VWF: variants seen among roughly 807,000 people sequenced by gnomAD.
VWF encodes the protein von Willebrand factor, also known as Factor VIII related antigen.
VWF carries 176 observed loss-of-function variants against 308.6 expected under a neutral mutation model. The ratio of observed to expected loss-of-function variants is 0.57; its 90% CI spans 0.50 to 0.65. VWF has a LOEUF of 0.65. Among genes scored for constraint, VWF ranks in the 30% least tolerant of loss-of-function variants. VWF has a pLI of 0.00. For missense variants in VWF, 3,146 were observed against 3,648.2 expected, an observed-to-expected ratio of 0.86 and a Z score of 3.55; for synonymous variants, 1,385 against 1,443.4, an observed-to-expected ratio of 0.96 and a Z score of 0.92.
chr12:6,000,929 A>G (rs1050480311), intron 34 of VWF, among the ~76,000 whole-genome samples: 10 of 152,098 alleles, frequency 6.6e-5, no homozygotes, highest in Admixed American at 2.6e-4. Flanking sequence ...ATAGTCATAG[A>G]TCTAAAACTA....
At chr12:6,041,426 T>C (rs1178280488) in intron 18 of VWF, among the ~76,000 whole-genome samples, 1 of 151,206 alleles carries the variant, frequency 6.6e-6, no homozygotes, top group Admixed American at 6.6e-5. Context: ...CAAAACTCCG[T>C]CTCAAAAAAA....
chr12:6,056,884 C>T lies in VWF; in HGVS notation c.1918G>A (p.Val640Ile). The part of the protein sequence containing the change: ...AAACAGRGVR[V>I]AWREPGRCEL... The stretch of plus-strand genomic sequence containing the variant: ...CAGCGGCCTGGCTCGCGCCACGCGA[C>T]GCGCACGCCTCTCCCCGCGCAGGCC... The change falls in exon 15 of 52, where the codon GTC (valine) becomes ATC (isoleucine). Residue 640 changes from valine to isoleucine, a missense_variant. Transcript: ENST00000261405. The T allele has an allele frequency of 4.7e-6, 7 of 1,489,754 alleles. No homozygotes were observed. Among genetic ancestry groups the T allele is most frequent in the Non-Finnish European group, 5.3e-6 (6 of 1,128,932 alleles). The allele number at this position is 1,489,754 out of a possible 1,614,324, so 92.3% of individuals were successfully genotyped here.
At chr12:6,051,056 G>A (rs12310306) in intron 16 of VWF, among the ~76,000 whole-genome samples, 41,478 of 146,740 alleles carry the variant, frequency 0.28, 6,037 homozygotes, top group Non-Finnish European at 0.32. Context: ...TTTTTTAATC[G>A]TTTATTTATT....
chr12:6,000,130 T>G lies in VWF; in HGVS notation c.5843-3908A>C, dbSNP rs145644964. Among the ~76,000 whole-genome samples the G allele has an allele frequency of 9.2e-4, 140 of 152,140 alleles. 1 individual carries two copies. The highest frequency in any genetic ancestry group is 3.2e-3 in the African/African-American group (131 of 41,508). On this transcript the variant is annotated intron_variant, in intron 34 of 51. Transcript: ENST00000261405. ...TAAAGAATATAACTCATGAAAACAT[T>G]CTGGAAATCAAAAAAGAACCAAATC...
intron 20 of VWF, 74 bp from the exon 21 acceptor site, chr12:6,031,652 T>C (rs1944265261): frequency 6.2e-7 from 1 of 1,609,354 alleles, no homozygotes; most frequent in South Asian, 1.1e-5. Flanking sequence ...TTGGCATCTC[T>C]TCATCACAGG....
intron 18 of VWF, among the ~76,000 whole-genome samples, chr12:6,043,200 T>C (rs1265907913): frequency 2.0e-5 from 3 of 152,180 alleles, no homozygotes; most frequent in Non-Finnish European, 4.4e-5. Flanking sequence ...TAACAAGAGT[T>C]GGTCTCTCTG....
At position 6,016,966 on chromosome 12, in the gene VWF, G is replaced by A. The variant is rs979588255; in HGVS notation, c.5054-96C>T. On this transcript the variant is annotated intron_variant, in intron 28 of 51. Coordinates refer to ENST00000261405, the MANE Select transcript of VWF (RefSeq NM_000552.5). ...ACATCCAATAGGATCTGCAGGGCGT[G>A]CTGACCACGTGGCACCACCAAGGGG... The A allele has an allele frequency of 1.0e-5, 14 of 1,358,492 alleles. No homozygotes were observed. In the South Asian group the frequency reaches 1.5e-4, roughly 15 times the overall value. 84.2% of individuals were successfully genotyped at this position (1,358,492 alleles called of 1,614,324 possible).
chr12:6,064,129 C>G, intron 12 of VWF, 117 bp downstream of exon 12: 4 of 1,542,332 alleles, frequency 2.6e-6, no homozygotes, highest in Non-Finnish European at 3.6e-6. Flanking sequence ...AACTCTCCAT[C>G]ACATTCCCAT....
chr12:6,092,666 T>TAC (rs1271272371), intron 6 of VWF, among the ~76,000 whole-genome samples: 4 of 143,622 alleles, frequency 2.8e-5, no homozygotes, highest in African/African-American at 1.0e-4. Flanking sequence ...TGTGTGTGTG[T>TAC]GTGTGTGCTG....
chr12:6,118,540 C>G (rs756883420), intron 3 of VWF, among the ~76,000 whole-genome samples: 2 of 151,948 alleles, frequency 1.3e-5, no homozygotes, highest in African/African-American at 4.8e-5. Context: ...GCACCCACCA[C>G]AACGCCTGGC....
intron 47 of VWF, among the ~76,000 whole-genome samples, chr12:5,954,999 C>A (rs1943230926): frequency 6.6e-6 from 1 of 151,774 alleles, no homozygotes. Context: ...TCAAAATGAA[C>A]CACCAATAAT....
chr12:6,111,068 A>T, intron 3 of VWF, 100 bp from the exon 4 acceptor site: 1 of 1,134,856 alleles, frequency 8.8e-7, no homozygotes, highest in South Asian at 1.3e-5. Context: ...CTCAGCAGAA[A>T]ACGCCCCAAA....
rs573172901 is a variant in VWF, at chr12:5,964,435, C to G, written c.7887+3051G>C. 1.4e-3 allele frequency among the ~76,000 whole-genome samples: 216 copies of G among 152,308 alleles called. 1 individual carries two copies. The highest frequency in any genetic ancestry group is 5.0e-3 in the African/African-American group (206 of 41,556). ...CCCCAAAAAACAGAAAGAACGTAAT[C>G]ACATAATCCCAGAATTTTTTAAAGA... is the stretch of plus-strand genomic sequence containing the variant. On this transcript the variant is annotated intron_variant, in intron 47 of 51. Transcript: ENST00000261405.
chr12:6,072,840 G>C (rs1371241178), intron 8 of VWF, among the ~76,000 whole-genome samples: 1 of 150,982 alleles, frequency 6.6e-6, no homozygotes, highest in Non-Finnish European at 1.5e-5. Context: ...GAAGTCATGA[G>C]TTGAAACACA....
At chr12:6,040,244 T>C (rs996028502) in intron 18 of VWF, among the ~76,000 whole-genome samples, 55 of 152,296 alleles carry the variant, frequency 3.6e-4, no homozygotes, top group African/African-American at 1.3e-3. Context: ...AAGAGATGGA[T>C]GCTTCAGGCA....
intron 47 of VWF, among the ~76,000 whole-genome samples, chr12:5,956,153 C>G (rs1943247804): frequency 6.6e-6 from 1 of 152,140 alleles, no homozygotes; most frequent in African/African-American, 2.4e-5. Context: ...TGTGGTGATG[C>G]AGGTGTAAAC....
intron 43 of VWF, 29 bp from the exon 44 acceptor site, chr12:5,971,738 A>G (rs374878015): frequency 6.3e-7 from 1 of 1,596,926 alleles, no homozygotes; most frequent in African/African-American, 1.3e-5. Context: ...CAGAGTAAGG[A>G]CAGGCCAGCA....
At chr12:5,967,435 G>A (rs1943415802) in intron 47 of VWF, 51 bp downstream of exon 47, 1 of 1,497,848 alleles carries the variant, frequency 6.7e-7, no homozygotes, top group South Asian at 1.1e-5. Context: ...CACTGCCTGG[G>A]TCCCACACGC....
intron 20 of VWF, among the ~76,000 whole-genome samples, chr12:6,033,105 T>G (rs1373832362): frequency 6.6e-6 from 1 of 152,218 alleles, no homozygotes; most frequent in Non-Finnish European, 1.5e-5. Context: ...ACCTCTAAGA[T>G]TCCATTCAAC....
Sources: allele counts gnomAD v4.1 joint callset (sites outside exome capture counted in the v4.1 genomes callset), GRCh38; gene constraint gnomAD v4.1.1; transcripts MANE v1.5; gene names NCBI Gene and HGNC (gene_info 2026-07-23, HGNC 2026-07-21).